Variants in SASH1 observed in about 807,000 individuals in gnomAD.
The protein encoded by SASH1 is SAM and SH3 domain containing 1.
Under a neutral mutation model 125.2 loss-of-function variants are expected in SASH1, and 44 were observed. That is an observed-to-expected ratio of 0.35 (90% CI 0.28 to 0.45). SASH1 has a LOEUF of 0.45. Among genes scored for constraint, SASH1 ranks in the 20% least tolerant of loss-of-function variants. The pLI, the probability that SASH1 is intolerant of heterozygous loss-of-function variation, is 1.00. For missense variants in SASH1, 1,426 were observed against 1,614.5 expected (o/e 0.88, Z 2.00); for synonymous variants, 639 against 649.1 (o/e 0.98, Z 0.24).
chr6:148,288,003 TG>T (rs924803227), intron 1 of SASH1, among the ~76,000 whole-genome samples: 7 of 152,242 alleles, frequency 4.6e-5, no homozygotes, highest in Non-Finnish European at 7.3e-5. Context: ...TCCACTTTTT[TG>T]GTGGGCTTTC....
intron 7 of SASH1, among the ~76,000 whole-genome samples, chr6:148,478,055 A>G (rs1778713690): frequency 6.6e-6 from 1 of 152,180 alleles, no homozygotes; most frequent in South Asian, 2.1e-4. Context: ...ATATGGAGAA[A>G]GGGGGACCCT....
rs115953634 is a variant in SASH1, at chr6:148,537,186, G to A, written c.2095+2285G>A. ...TATTGAGATCTTTGAAGATATGTAG[G>A]GATCTTGAAAGGTTTCTAGCTTAGC... On this transcript the variant is annotated intron_variant, in intron 16 of 19. Transcript: ENST00000367467. Among the ~76,000 whole-genome samples, 562 of 152,282 alleles carry A rather than the reference G, an allele frequency of 3.7e-3. 4 individuals are homozygous for A. Among genetic ancestry groups the A allele is most frequent in the African/African-American group, 0.013 (533 of 41,554 alleles).
intron 7 of SASH1, among the ~76,000 whole-genome samples, chr6:148,476,962 G>A (rs1778390962): frequency 6.6e-6 from 1 of 152,014 alleles, no homozygotes; most frequent in African/African-American, 2.4e-5. Context: ...TATACAATGG[G>A]GAAAGAACAA....
At chr6:148,331,813 T>C (rs1781002895) in intron 1 of SASH1, among the ~76,000 whole-genome samples, 1 of 152,016 alleles carries the variant, frequency 6.6e-6, no homozygotes, top group African/African-American at 2.4e-5. Context: ...CACCTCAGCC[T>C]CCCCAGTAGC....
At chr6:148,246,316 C>G in the SASH1 span, among the ~76,000 whole-genome samples, 1 of 152,100 alleles carries the variant, frequency 6.6e-6, no homozygotes, top group Non-Finnish European at 1.5e-5. Flanking sequence ...AGAATGTTTC[C>G]TTTAGAATTG....
intron 7 of SASH1, among the ~76,000 whole-genome samples, chr6:148,476,136 C>T (rs73585698): frequency 0.025 from 3,735 of 151,984 alleles, 155 homozygotes; most frequent in African/African-American, 0.086. Context: ...TGTTCAGCAA[C>T]AAATACTCTG....
chr6:148,433,450 A>G (rs1776149302), intron 2 of SASH1, among the ~76,000 whole-genome samples: 1 of 132,192 alleles, frequency 7.6e-6, no homozygotes, highest in South Asian at 2.3e-4. Flanking sequence ...TTTGTCGCCC[A>G]GGGTGGAGTG....
intron 2 of SASH1, chr6:148,393,720 G>C (rs1372936959): frequency 4.1e-6 from 4 of 985,224 alleles, no homozygotes; most frequent in East Asian, 1.1e-4. Context: ...TCTGGGGGGA[G>C]AAAACACCAC....
chr6:148,282,930 C>T (rs1179980279), intron 1 of SASH1, among the ~76,000 whole-genome samples: 6 of 152,116 alleles, frequency 3.9e-5, no homozygotes, highest in Middle Eastern at 3.2e-3. Flanking sequence ...AAGCATAGCT[C>T]ATTTGTCTGC....
rs1409682710 is a variant in SASH1 at position 148,308,252 on chromosome 6, C to T, written n.74+35875C>T. On this transcript the variant is annotated intron_variant and non_coding_transcript_variant, in intron 1 of 3. Transcript: ENST00000367469. ...AAAATTTAATAATGGTGTTTTGCCA[C>T]AGTTAAAAAGATATTAAATCCGCCC... Among the ~76,000 whole-genome samples, 4 of 150,012 alleles carry T rather than the reference C, an allele frequency of 2.7e-5. No homozygotes were observed. In the Admixed American group the frequency reaches 2.7e-4, roughly 10 times the overall value.
In SASH1 at chr6:148,482,688, A is replaced by ATTTTTTTTTTTTT. The variant is rs200708826; in HGVS notation, c.628-4920_628-4908dup. Among the ~76,000 whole-genome samples the ATTTTTTTTTTTTT allele has an allele frequency of 5.6e-3, 554 of 99,792 alleles. 45 individuals carry two copies. Among genetic ancestry groups the ATTTTTTTTTTTTT allele is most frequent in the Non-Finnish European group, 7.6e-3 (395 of 51,926 alleles). The allele number at this position is 99,792 out of a possible 152,430, so 65.5% of individuals were successfully genotyped here. Reference sequence around the variant, plus strand: ...AGGCATGTGCCACCACACCTGGCTAATTTTTTTTTTTTTTTTTTGAGAGAG... The same window carrying ATTTTTTTTTTTTT: ...AGGCATGTGCCACCACACCTGGCTAATTTTTTTTTTTTTTTTTTTTTTTTTTTTTTTGAGAGAG... On this transcript the variant is annotated intron_variant, in intron 7 of 19. Transcript: ENST00000367467.
At chr6:148,427,076 A>T (rs141121750) in intron 2 of SASH1, among the ~76,000 whole-genome samples, 11,012 of 152,252 alleles carry the variant, frequency 0.072, 572 homozygotes, top group Non-Finnish European at 0.11. Flanking sequence ...CAGGAGGCAG[A>T]GGTTGCAGTG....
intron 1 of SASH1, among the ~76,000 whole-genome samples, chr6:148,383,872 C>T (rs535942398): frequency 6.6e-6 from 1 of 152,254 alleles, no homozygotes; most frequent in South Asian, 2.1e-4. Context: ...AACAGCAGTC[C>T]ACCCAATCTG....
the SASH1 span, among the ~76,000 whole-genome samples, chr6:148,239,192 C>A: frequency 2.0e-5 from 3 of 152,116 alleles, no homozygotes; most frequent in African/African-American, 4.8e-5. Flanking sequence ...TTTCTTTGGT[C>A]TAAGGTGAGG....
chr6:148,194,238 A>T, the SASH1 span, among the ~76,000 whole-genome samples: 1 of 152,232 alleles, frequency 6.6e-6, no homozygotes, highest in Non-Finnish European at 1.5e-5. Flanking sequence ...CTAGATGATC[A>T]TGTCATTTTA....
chr6:148,550,181 T>C lies in SASH1; in HGVS notation c.*1623T>C, dbSNP rs1782810045. 1 of 152,352 alleles carries C rather than the reference T, an allele frequency of 6.6e-6. No homozygotes were observed. 9.4% of individuals were successfully genotyped at this position (152,352 alleles called of 1,614,324 possible). On this transcript the variant is annotated 3_prime_UTR_variant, in exon 20 of 20. Transcript: ENST00000367467. Reference sequence around the variant, plus strand: ...GTAAATTTAAACAAGTAAACTATTATGGTTTCCATTGCTTACAAAATGATT... The same window carrying C: ...GTAAATTTAAACAAGTAAACTATTACGGTTTCCATTGCTTACAAAATGATT...
intron 2 of SASH1, among the ~76,000 whole-genome samples, chr6:148,408,644 T>C (rs1323504505): frequency 3.9e-5 from 6 of 152,210 alleles, no homozygotes; most frequent in Admixed American, 3.9e-4. Context: ...CTCTTGATCG[T>C]GTCCTTTGAT....
intron 8 of SASH1, 194 bp from the exon 9 acceptor site, chr6:148,514,130 T>G: frequency 7.4e-7 from 1 of 1,355,920 alleles, no homozygotes; most frequent in Non-Finnish European, 9.4e-7. Flanking sequence ...GCCTAGGACC[T>G]AATTCTACGC....
At chr6:148,419,230 T>C (rs1157251846) in intron 2 of SASH1, among the ~76,000 whole-genome samples, 1 of 152,224 alleles carries the variant, frequency 6.6e-6, no homozygotes, top group Non-Finnish European at 1.5e-5. Flanking sequence ...AGGTAGAATA[T>C]TTAAAATCTG....
Sources: gnomAD v4.1 joint callset for allele counts (sites outside exome capture counted in the v4.1 genomes callset) on GRCh38, gnomAD v4.1.1 for gene constraint, MANE v1.5 for transcripts, NCBI Gene and HGNC (gene_info 2026-07-23, HGNC 2026-07-21) for gene names.